Variants in NCOA6 observed in about 807,000 individuals in gnomAD.
NCOA6 encodes the protein nuclear receptor coactivator 6, also known as NRC RAP250.
In NCOA6, 49 loss-of-function variants were observed where a neutral mutation model predicts 171.4. The observed-to-expected ratio is 0.29, with a 90% confidence interval of 0.23 to 0.36. The LOEUF is 0.36. Among genes scored for constraint, NCOA6 ranks in the 10% least tolerant of loss-of-function variants. NCOA6 has a pLI of 1.00. For missense variants in NCOA6, 2,248 were observed against 2,554.5 expected, an observed-to-expected ratio of 0.88 and a Z score of 2.59; for synonymous variants, 910 against 927.5, an observed-to-expected ratio of 0.98 and a Z score of 0.34.
In NCOA6 at chr20:34,741,843, G is replaced by C. The variant is rs368254189; in HGVS notation, c.4413C>G (p.Pro1471=). Residue 1471 remains proline (P), a synonymous_variant, in exon 11 of 15, where the codon CCC becomes CCG. Transcript: ENST00000359003. Reference sequence around the variant, plus strand: ...CCAAATTTTTGTTCTCTTCGACACTGGGAAGTTTGTTAGGATCCGAAGGCT... The same window carrying C: ...CCAAATTTTTGTTCTCTTCGACACTCGGAAGTTTGTTAGGATCCGAAGGCT... The part of the protein sequence containing the change: ...DGQPSDPNKL[P]SVEENKNLVS... 1.9e-6 allele frequency: 3 copies of C among 1,614,054 alleles called. No individual in the cohort carries two copies. The highest frequency in any genetic ancestry group is 4.5e-5 in the East Asian group (2 of 44,894).
At chr20:34,786,196 TATC>T (rs1568850896) in intron 2 of NCOA6, among the ~76,000 whole-genome samples, 2 of 152,220 alleles carry the variant, frequency 1.3e-5, no homozygotes. Context: ...ATAGCCCCCT[TATC>T]ATTTCTGATT....
In NCOA6 at chr20:34,742,198, T is replaced by A; in HGVS notation, c.4058A>T (p.Lys1353Ile). 6.2e-7 allele frequency: 1 copy of A among 1,614,212 alleles called. No homozygotes were observed. Among genetic ancestry groups the A allele is most frequent in the East Asian group, 2.2e-5 (1 of 44,882 alleles). ...ATTTGTCTGAGAGGCCAGAGTAAGTTTAGGGGCTTTTGAATTTTGCCTCCC... is the reference window on the plus strand; with the variant it reads ...ATTTGTCTGAGAGGCCAGAGTAAGTATAGGGGCTTTTGAATTTTGCCTCCC... Reference protein sequence around the residue: ...SPGRQNSKAPKLTLASQTNAA... With the variant: ...SPGRQNSKAPILTLASQTNAA... Residue 1353 changes from lysine (K) to isoleucine (I), a missense_variant, in exon 11 of 15, where the codon AAA becomes ATA. Around this residue, in one of 7 missense-constraint regions of NCOA6, gnomAD observed 884 missense variants for 941.9 expected, o/e 0.94. Transcript: ENST00000359003.
At chr20:34,764,684 C>CAA (rs35459347) in intron 5 of NCOA6, among the ~76,000 whole-genome samples, 3 of 117,768 alleles carry the variant, frequency 2.5e-5, no homozygotes, top group Non-Finnish European at 3.6e-5. Flanking sequence ...GACTCTGTCT[C>CAA]AAAAAAAAAA....
At chr20:34,745,547 A>C (rs903955385) in intron 10 of NCOA6, among the ~76,000 whole-genome samples, 1 of 152,236 alleles carries the variant, frequency 6.6e-6, no homozygotes, top group African/African-American at 2.4e-5. Context: ...AAGTATTGAT[A>C]TCATGATGGA....
At position 34,757,808 on chromosome 20, in the gene NCOA6, C is replaced by T. The variant is rs2076688106; in HGVS notation, c.940G>A (p.Val314Ile). Reference sequence around the variant, plus strand: ...GGCAGCTGGTTCCAGCCTGGAGGAACAGGCACCTGAGTTGGGGCAGTAAAC... The same window carrying T: ...GGCAGCTGGTTCCAGCCTGGAGGAATAGGCACCTGAGTTGGGGCAGTAAAC... Reference protein sequence around the residue: ...PQFTAPTQVPVPPGWNQLPSG... With the variant: ...PQFTAPTQVPIPPGWNQLPSG... Residue 314 changes from valine (V) to isoleucine (I), a missense_variant, in exon 7 of 15, where the codon GTT becomes ATT. By Grantham distance (29) the Val-to-Ile change is conservative. This residue lies in a region of NCOA6 where 987 missense variants were observed against 1,104.7 expected (regional missense o/e 0.89). Coordinates refer to ENST00000359003, the MANE Select transcript of NCOA6 (RefSeq NM_014071.5). The T allele has an allele frequency of 3.1e-6, 5 of 1,614,000 alleles. No individual in the cohort carries two copies.
In NCOA6 at chr20:34,809,965, C is replaced by CA. The variant is rs373441427; in HGVS notation, c.-164+15506dup. On this transcript the variant is annotated intron_variant, in intron 1 of 14. Transcript: ENST00000359003. ...CCTGGGTGACAGAGCTAGACTGTCT[C>CA]AAAAAAAAAGAGTTGTAAAAGACAG... 3.1e-4 allele frequency among the ~76,000 whole-genome samples: 46 copies of CA among 149,328 alleles called. 1 individual carries two copies. Among genetic ancestry groups the CA allele is most frequent in the African/African-American group, 6.4e-4 (26 of 40,550 alleles).
At chr20:34,809,921 T>C (rs923156696) in intron 1 of NCOA6, among the ~76,000 whole-genome samples, 13 of 152,136 alleles carry the variant, frequency 8.5e-5, no homozygotes, top group African/African-American at 2.9e-4. Context: ...TGAGTGGAGA[T>C]TGCACCACTG....
intron 12 of NCOA6, among the ~76,000 whole-genome samples, chr20:34,734,718 C>T (rs1393704958): frequency 1.3e-5 from 2 of 151,596 alleles, no homozygotes; most frequent in Non-Finnish European, 2.9e-5. Context: ...ATGGCGCAAT[C>T]TCCGGCTCAC....
intron 10 of NCOA6, 100 bp downstream of exon 10, chr20:34,746,707 G>A (rs1319082203): frequency 7.7e-7 from 1 of 1,306,444 alleles, no homozygotes; most frequent in Non-Finnish European, 1.0e-6. Flanking sequence ...AGACTAGTTA[G>A]CAGATAAAAT....
intron 2 of NCOA6, among the ~76,000 whole-genome samples, chr20:34,786,192 C>T (rs1238938523): frequency 6.6e-6 from 1 of 152,024 alleles, no homozygotes; most frequent in African/African-American, 2.4e-5. Flanking sequence ...GGTGATAGCC[C>T]CCTTATCATT....
At chr20:34,759,080 C>T in intron 5 of NCOA6, 147 bp from the exon 6 acceptor site, 1 of 848,146 alleles carries the variant, frequency 1.2e-6, no homozygotes, top group Non-Finnish European at 1.8e-6. Flanking sequence ...TGCCAAGTGG[C>T]ACAATCACAG....
rs993410976 is a variant in NCOA6, at chr20:34,810,717, A to G, written c.-164+14755T>C. Among the ~76,000 whole-genome samples the G allele has an allele frequency of 2.6e-4, 40 of 152,004 alleles. 1 individual carries two copies. Among genetic ancestry groups the G allele is most frequent in the Non-Finnish European group, 4.7e-4 (32 of 67,948 alleles). The stretch of plus-strand genomic sequence containing the variant: ...ACTACAGGCGCCCGCCACCATGCCC[A>G]GCTAATTTTTTTGTATTTTTAGAAG... On this transcript the variant is annotated intron_variant, in intron 1 of 14. Coordinates refer to ENST00000359003, the MANE Select transcript of NCOA6 (RefSeq NM_014071.5).
chr20:34,719,830 T>C (rs1989097461), intron 14 of NCOA6, among the ~76,000 whole-genome samples: 2 of 152,250 alleles, frequency 1.3e-5, no homozygotes, highest in Admixed American at 6.5e-5. Flanking sequence ...ATGAAGCTAC[T>C]ACAGTTTCAG....
intron 5 of NCOA6, among the ~76,000 whole-genome samples, chr20:34,766,385 G>A (rs2076982374): frequency 6.6e-6 from 1 of 152,096 alleles, no homozygotes; most frequent in South Asian, 2.1e-4. Flanking sequence ...GGGAGGCTGA[G>A]GTGGGCAGAT....
rs779552717 is a variant in NCOA6, at chr20:34,741,407, G to A, written c.4849C>T (p.Pro1617Ser). ...TTSANTSAAL[P>S]THLQSALMST... The stretch of plus-strand genomic sequence containing the variant: ...ATCAATGCAGACTGCAAGTGAGTTG[G>A]CAAAGCTGCTGATGTGTTAGCTGAA... Residue 1617 changes from proline (P) to serine (S), a missense_variant, in exon 11 of 15, where the codon CCA (proline) becomes TCA (serine). Physicochemically the swap from Pro to Ser is moderately conservative, Grantham distance 74. Around this residue, in one of 7 missense-constraint regions of NCOA6, gnomAD observed 884 missense variants for 941.9 expected, o/e 0.94. Coordinates refer to ENST00000359003, the MANE Select transcript of NCOA6 (RefSeq NM_014071.5). 2.5e-6 allele frequency: 4 copies of A among 1,614,228 alleles called. No individual in the cohort carries two copies. Among genetic ancestry groups the A allele is most frequent in the South Asian group, 1.1e-5 (1 of 91,084 alleles).
intron 1 of NCOA6, among the ~76,000 whole-genome samples, chr20:34,792,806 G>T (rs2077934471): frequency 1.4e-5 from 2 of 139,186 alleles, no homozygotes; most frequent in South Asian, 2.2e-4. Flanking sequence ...TTGAGACAGG[G>T]TCTCACTCTG....
At chr20:34,747,227 G>A (rs879666404) in intron 9 of NCOA6, among the ~76,000 whole-genome samples, 3 of 152,280 alleles carry the variant, frequency 2.0e-5, no homozygotes, top group East Asian at 3.9e-4. Context: ...TTTAAGACCT[G>A]ATCATAGGAC....
chr20:34,728,480 G>A (rs1350646251), intron 13 of NCOA6, among the ~76,000 whole-genome samples: 1 of 152,162 alleles, frequency 6.6e-6, no homozygotes, highest in East Asian at 1.9e-4. Context: ...GTCACAACTT[G>A]GGGAGAGGGG....
chr20:34,715,404 T>A (rs750966591), intron 14 of NCOA6, 39 bp from the exon 15 acceptor site: 1 of 1,487,468 alleles, frequency 6.7e-7, no homozygotes, highest in Non-Finnish European at 9.4e-7. Flanking sequence ...TGGAAGTAAC[T>A]CTTTACAGCA....
Sources: gnomAD v4.1 joint callset for allele counts (sites outside exome capture counted in the v4.1 genomes callset) on GRCh38, gnomAD v4.1.1 for gene constraint, gnomAD v4.1.1 regional missense constraint, MANE v1.5 for transcripts, NCBI Gene and HGNC (gene_info 2026-07-23, HGNC 2026-07-21) for gene names.